CRYBG1: variants seen among roughly 807,000 people sequenced by gnomAD.
The protein encoded by CRYBG1 is beta/gamma crystallin domain-containing protein 1.
A neutral mutation model predicts 189.2 loss-of-function variants in CRYBG1; 139 were observed. The ratio of observed to expected loss-of-function variants is 0.73; its 90% CI spans 0.64 to 0.85. The LOEUF is 0.85. Ranked by LOEUF, CRYBG1 falls within the 40% of genes least tolerant of loss-of-function variation. The pLI is 0.00. For synonymous variants in CRYBG1, 1,023 were observed against 1,017.1 expected (o/e 1.01, Z -0.11); for missense variants, 2,611 against 2,675.8 (o/e 0.98, Z 0.53).
At chr6:106,483,031 C>T (rs900540303) in intron 2 of CRYBG1, among the ~76,000 whole-genome samples, 3 of 152,098 alleles carry the variant, frequency 2.0e-5, no homozygotes, top group Admixed American at 6.5e-5. Context: ...TTGTAATATA[C>T]AGTACCTTAC....
chr6:106,468,152 G>A (rs1267457186), intron 2 of CRYBG1, among the ~76,000 whole-genome samples: 1 of 152,186 alleles, frequency 6.6e-6, no homozygotes, highest in African/African-American at 2.4e-5. Flanking sequence ...AGCTAATGAA[G>A]AGGATTTTGG....
intron 13 of CRYBG1, among the ~76,000 whole-genome samples, chr6:106,548,577 C>T (rs1676029): frequency 0.062 from 9,473 of 152,186 alleles, 943 homozygotes; most frequent in African/African-American, 0.21. Context: ...TTTTTTCCCT[C>T]CAAACCTTGA....
chr6:106,487,984 G>A (rs894607317), intron 2 of CRYBG1, among the ~76,000 whole-genome samples: 1 of 152,114 alleles, frequency 6.6e-6, no homozygotes, highest in African/African-American at 2.4e-5. Flanking sequence ...CTATACCTGG[G>A]TCTAGGGTGT....
At position 106,569,043 on chromosome 6, in the gene CRYBG1, G is replaced by C. The variant is rs1451885013; in HGVS notation, c.*477G>C. On this transcript the variant is annotated 3_prime_UTR_variant, in exon 22 of 22. Transcript: ENST00000633556. ...TGAGAAGAAATACTTTATTAGGCCTGTAATTTTGGTTCTTGGCCTTAAACA... is the reference window on the plus strand; with the variant it reads ...TGAGAAGAAATACTTTATTAGGCCTCTAATTTTGGTTCTTGGCCTTAAACA... The C allele has an allele frequency of 6.5e-6, 1 of 153,908 alleles. No homozygotes were observed. Among genetic ancestry groups the C allele is most frequent in the Non-Finnish European group, 1.4e-5 (1 of 69,192 alleles). The allele number at this position is 153,908 out of a possible 1,614,324, so 9.5% of individuals were successfully genotyped here. A position where few individuals can be genotyped will look rare whatever the true frequency, so the allele number is the denominator to read the frequency against.
At chr6:106,420,334 A>G (rs2114387135) in intron 1 of CRYBG1, among the ~76,000 whole-genome samples, 1 of 152,356 alleles carries the variant, frequency 6.6e-6, no homozygotes, top group East Asian at 1.9e-4. Flanking sequence ...ACGTTCTTGC[A>G]GGCTCTGATC....
At chr6:106,393,680 CTT>C (rs3047147) in intron 1 of CRYBG1, among the ~76,000 whole-genome samples, 44,333 of 141,748 alleles carry the variant, frequency 0.31, 6,864 homozygotes, top group South Asian at 0.39. Flanking sequence ...TTTCCTCTTC[CTT>C]TTTTTTTTTT....
intron 2 of CRYBG1, among the ~76,000 whole-genome samples, chr6:106,505,737 C>CA (rs559094651): frequency 2.2e-5 from 3 of 139,092 alleles, no homozygotes; most frequent in African/African-American, 5.5e-5. Flanking sequence ...TTTTTTTTTA[C>CA]AAAAAAACTG....
chr6:106,406,955 A>G (rs1486021416), intron 1 of CRYBG1, among the ~76,000 whole-genome samples: 1 of 152,234 alleles, frequency 6.6e-6, no homozygotes, highest in Non-Finnish European at 1.5e-5. Flanking sequence ...GACTATTGGC[A>G]CTATGAAGAA....
At chr6:106,382,110 G>T (rs1009790087) in intron 1 of CRYBG1, among the ~76,000 whole-genome samples, 3 of 152,178 alleles carry the variant, frequency 2.0e-5, no homozygotes, top group African/African-American at 7.2e-5. Context: ...GGAGGGGCAG[G>T]CTTCTGAGCT....
At chr6:106,455,140 C>T (rs1771860085) in intron 2 of CRYBG1, among the ~76,000 whole-genome samples, 1 of 152,044 alleles carries the variant, frequency 6.6e-6, no homozygotes, top group African/African-American at 2.4e-5. Context: ...TAAACAATTG[C>T]ATTAAATATT....
chr6:106,549,979 CA>C (rs1248998941), intron 13 of CRYBG1, among the ~76,000 whole-genome samples: 1 of 152,146 alleles, frequency 6.6e-6, no homozygotes, highest in Non-Finnish European at 1.5e-5. Flanking sequence ...GGTCACAAAG[CA>C]AGGAGAGCCT....
intron 3 of CRYBG1, 96 bp downstream of exon 3, chr6:106,513,135 G>A (rs1474582295): frequency 1.4e-6 from 2 of 1,394,482 alleles, no homozygotes; most frequent in Non-Finnish European, 1.9e-6. Context: ...TGGAAGAAAC[G>A]TCTGGTCACT....
intron 2 of CRYBG1, among the ~76,000 whole-genome samples, chr6:106,488,374 C>T (rs1772638852): frequency 6.6e-6 from 1 of 152,192 alleles, no homozygotes; most frequent in Non-Finnish European, 1.5e-5. Context: ...GGCCTGGTTG[C>T]TGCACAAGAT....
chr6:106,423,968 A>T (rs766513325), intron 1 of CRYBG1, among the ~76,000 whole-genome samples: 4 of 151,852 alleles, frequency 2.6e-5, no homozygotes, highest in Non-Finnish European at 5.9e-5. Context: ...GCCTCCCAAA[A>T]TGCTGGGATT....
chr6:106,452,848 C>A (rs1464661065), intron 2 of CRYBG1, among the ~76,000 whole-genome samples: 2 of 152,148 alleles, frequency 1.3e-5, no homozygotes, highest in Admixed American at 6.5e-5. Context: ...AGAATGATAT[C>A]TTTAGTCACA....
chr6:106,377,796 A>G (rs1582729650), intron 1 of CRYBG1, among the ~76,000 whole-genome samples: 1 of 152,190 alleles, frequency 6.6e-6, no homozygotes, highest in East Asian at 1.9e-4. Flanking sequence ...ACAGGTATAA[A>G]TAAGTATAAT....
rs1302905750 is a variant in CRYBG1 at position 106,511,820 on chromosome 6, T to A, written c.703T>A (p.Leu235Ile). 2.6e-6 allele frequency: 4 copies of A among 1,521,850 alleles called. No homozygotes were observed. The East Asian group carries it at 9.8e-5, about 37-fold the overall frequency. 94.3% of individuals were successfully genotyped at this position (1,521,850 alleles called of 1,614,324 possible). Residue 235 changes from leucine to isoleucine, a missense_variant, in exon 3 of 22, where the codon TTA (leucine) becomes ATA (isoleucine). Leu to Ile is a conservative substitution (Grantham distance 5, BLOSUM62 2). This residue lies in a region of CRYBG1 where 985 missense variants were observed against 924.4 expected (regional missense o/e 1.07). Coordinates refer to ENST00000633556, the MANE Select transcript of CRYBG1 (RefSeq NM_001371242.2). ...GTGCCATGAAAATGATTCACCCCAA[T>A]TAGAACCTCTGGAGGCAGAGGGAGA... ...QQCHENDSPQ[L>I]EPLEAEGEPF...
intron 20 of CRYBG1, among the ~76,000 whole-genome samples, chr6:106,563,542 T>C (rs890904145): frequency 5.9e-5 from 9 of 152,216 alleles, no homozygotes; most frequent in Admixed American, 5.2e-4. Flanking sequence ...TCTCTGACGA[T>C]GCACAAACAT....
intron 7 of CRYBG1, among the ~76,000 whole-genome samples, chr6:106,529,452 T>C (rs1159352962): frequency 1.3e-5 from 2 of 152,204 alleles, no homozygotes; most frequent in Admixed American, 6.5e-5. Context: ...GTTGTTCCTT[T>C]TGATAATATT....
Sources: gnomAD v4.1 joint callset for allele counts (sites outside exome capture counted in the v4.1 genomes callset) on GRCh38, gnomAD v4.1.1 for gene constraint, gnomAD v4.1.1 regional missense constraint, MANE v1.5 for transcripts, NCBI Gene and HGNC (gene_info 2026-07-23, HGNC 2026-07-21) for gene names.